The following NRG3 variants were observed in gnomAD, a reference collection of about 807,000 sequenced individuals.
NRG3 encodes the protein pro-neuregulin-3, membrane-bound isoform.
In NRG3, 31 loss-of-function variants were observed where a neutral mutation model predicts 66.9. The ratio of observed to expected loss-of-function variants is 0.46; its 90% CI spans 0.35 to 0.63. The LOEUF (loss-of-function observed/expected upper bound fraction) is 0.63. Ranked by LOEUF, NRG3 falls within the 20% of genes least tolerant of loss-of-function variation. The pLI is 0.00. For synonymous variants in NRG3, 393 were observed against 359.4 expected (o/e 1.09, Z -1.06); for missense variants, 910 against 878.9 (o/e 1.04, Z -0.45).
intron 1 of NRG3, among the ~76,000 whole-genome samples, chr10:82,342,426 A>G (rs1211840533): frequency 6.6e-6 from 1 of 152,000 alleles, no homozygotes; most frequent in Non-Finnish European, 1.5e-5. Context: ...TCCTCACAAT[A>G]TCTGTTGTTT....
chr10:82,573,236 CA>C (rs2045844124), intron 2 of NRG3, among the ~76,000 whole-genome samples: 1 of 151,802 alleles, frequency 6.6e-6, no homozygotes, highest in Non-Finnish European at 1.5e-5. Context: ...GCAAAGATGA[CA>C]AGTTGCTCTT....
rs559894409 is a variant in NRG3 at position 82,349,365 on chromosome 10, G to A, written c.824-9374G>A. On this transcript the variant is annotated intron_variant, in intron 1 of 8. Coordinates refer to ENST00000372141, the MANE Select transcript of NRG3 (RefSeq NM_001010848.4). Reference sequence around the variant, plus strand: ...TGCCCCTGCTGGGGGGTGCCTCCCAGTTAGGCTGCTCGGGGGTCAGGGGTC... The same window carrying A: ...TGCCCCTGCTGGGGGGTGCCTCCCAATTAGGCTGCTCGGGGGTCAGGGGTC... 6.2e-3 allele frequency among the ~76,000 whole-genome samples: 946 copies of A among 151,878 alleles called. 5 individuals are homozygous for A. The highest frequency in any genetic ancestry group is 0.011 in the Non-Finnish European group (773 of 67,936).
At chr10:81,937,330 A>AT (rs573709432) in intron 1 of NRG3, among the ~76,000 whole-genome samples, 24 of 151,802 alleles carry the variant, frequency 1.6e-4, no homozygotes, top group Admixed American at 3.9e-4. Context: ...TAATTTATTT[A>AT]TTTTTTTTGA....
chr10:82,082,543 A>C (rs907441636), intron 1 of NRG3, among the ~76,000 whole-genome samples: 6 of 152,184 alleles, frequency 3.9e-5, no homozygotes, highest in African/African-American at 7.2e-5. Flanking sequence ...GAAAGGTAGA[A>C]TATGACTCTG....
intron 2 of NRG3, among the ~76,000 whole-genome samples, chr10:82,392,113 C>G (rs2086413896): frequency 6.6e-6 from 1 of 151,694 alleles, no homozygotes; most frequent in African/African-American, 2.4e-5. Flanking sequence ...ATGAAAATAT[C>G]CCATCTACTG....
intron 1 of NRG3, among the ~76,000 whole-genome samples, chr10:82,155,995 T>C (rs571562730): frequency 8.6e-5 from 13 of 151,796 alleles, no homozygotes; most frequent in African/African-American, 2.9e-4. Flanking sequence ...AAAATAATTT[T>C]AAATAAGGAA....
At chr10:82,748,854 G>A (rs914333032) in intron 3 of NRG3, among the ~76,000 whole-genome samples, 3 of 151,902 alleles carry the variant, frequency 2.0e-5, no homozygotes, top group South Asian at 2.1e-4. Flanking sequence ...TACACACTTA[G>A]TCAATGGAAG....
chr10:82,104,690 G>T (rs2066954097), intron 1 of NRG3, among the ~76,000 whole-genome samples: 1 of 152,090 alleles, frequency 6.6e-6, no homozygotes, highest in African/African-American at 2.4e-5. Context: ...TCTTAACATT[G>T]TTTATTGAAG....
At chr10:82,562,671 T>C (rs2045130028) in intron 2 of NRG3, among the ~76,000 whole-genome samples, 1 of 152,024 alleles carries the variant, frequency 6.6e-6, no homozygotes, top group African/African-American at 2.4e-5. Flanking sequence ...TAGTAAAAGT[T>C]TTTTCTCAAT....
At chr10:82,183,843 A>C (rs2073611018) in intron 1 of NRG3, among the ~76,000 whole-genome samples, 1 of 152,084 alleles carries the variant, frequency 6.6e-6, no homozygotes, top group Non-Finnish European at 1.5e-5. Flanking sequence ...CTCTGGCTTA[A>C]AGATGGGAGT....
In NRG3 at chr10:81,876,305, C is replaced by T. The variant is rs1008382442; in HGVS notation, c.823+142C>T. The T allele has an allele frequency of 5.6e-6, 7 of 1,244,970 alleles. No homozygotes were observed. The Admixed American group carries it at 8.2e-5, about 15-fold the overall frequency. 77.1% of individuals were successfully genotyped at this position (1,244,970 alleles called of 1,614,324 possible). On this transcript the variant is annotated intron_variant, in intron 1 of 8. Transcript: ENST00000372141. Reference sequence around the variant, plus strand: ...GGGGCAGAGTGAGAGCTGATTAAAACTGGCCACCAGCGGGGAAGAAGGTGC... The same window carrying T: ...GGGGCAGAGTGAGAGCTGATTAAAATTGGCCACCAGCGGGGAAGAAGGTGC...
At chr10:82,975,438 T>C (rs1440533584) in intron 7 of NRG3, among the ~76,000 whole-genome samples, 1 of 152,204 alleles carries the variant, frequency 6.6e-6, no homozygotes, top group African/African-American at 2.4e-5. Flanking sequence ...CGTGTGCTTT[T>C]ATGCTCCCTC....
chr10:82,791,377 C>G (rs1342342230), intron 3 of NRG3, among the ~76,000 whole-genome samples: 1 of 151,638 alleles, frequency 6.6e-6, no homozygotes, highest in African/African-American at 2.4e-5. Context: ...TTATCATGTG[C>G]AGCCACTGAC....
intron 1 of NRG3, among the ~76,000 whole-genome samples, chr10:82,247,932 CAAT>C (rs1367617389): frequency 6.6e-6 from 1 of 152,096 alleles, no homozygotes; most frequent in Non-Finnish European, 1.5e-5. Flanking sequence ...CTAGCAATAA[CAAT>C]AATAATAATA....
intron 2 of NRG3, among the ~76,000 whole-genome samples, chr10:82,716,818 T>C (rs939235271): frequency 2.6e-5 from 4 of 152,182 alleles, no homozygotes; most frequent in African/African-American, 9.7e-5. Flanking sequence ...AAATGATCCA[T>C]AAAGAGCAAC....
intron 2 of NRG3, among the ~76,000 whole-genome samples, chr10:82,528,044 C>A (rs924544132): frequency 6.6e-6 from 1 of 152,144 alleles, no homozygotes; most frequent in Non-Finnish European, 1.5e-5. Flanking sequence ...TCCTTTCCCC[C>A]AGCCTTCCTT....
chr10:82,570,347 G>A (rs755680491), intron 2 of NRG3, among the ~76,000 whole-genome samples: 4 of 151,684 alleles, frequency 2.6e-5, no homozygotes, highest in South Asian at 4.1e-4. Flanking sequence ...TTTGTCTTGC[G>A]AATACTTTCC....
chr10:82,388,248 G>GT (rs373336055), intron 2 of NRG3, among the ~76,000 whole-genome samples: 54 of 152,180 alleles, frequency 3.5e-4, no homozygotes, highest in African/African-American at 1.2e-3. Flanking sequence ...GAATAAGAAA[G>GT]TTTTTTTATG....
At chr10:82,573,285 C>A (rs981900891) in intron 2 of NRG3, among the ~76,000 whole-genome samples, 24 of 151,730 alleles carry the variant, frequency 1.6e-4, no homozygotes, top group African/African-American at 5.8e-4. Flanking sequence ...TTCTTTCAGT[C>A]TAAATGGAGT....
Sources: gnomAD v4.1 joint callset for allele counts (sites outside exome capture counted in the v4.1 genomes callset) on GRCh38, gnomAD v4.1.1 for gene constraint, MANE v1.5 for transcripts, NCBI Gene and HGNC (gene_info 2026-07-23, HGNC 2026-07-21) for gene names.